MYOZ3: variants seen among roughly 807,000 people sequenced by gnomAD.
The protein encoded by MYOZ3 is myozenin-3.
MYOZ3 carries 19 observed loss-of-function variants against 26.5 expected under a neutral mutation model. That is an observed-to-expected ratio of 0.72 (90% confidence interval 0.50 to 1.05). The LOEUF (loss-of-function observed/expected upper bound fraction) is 1.05. Ranked by LOEUF, MYOZ3 falls within the 50% of genes least tolerant of loss-of-function variation. The probability of loss-of-function intolerance (pLI) is 0.00; values close to 1 mark genes in which losing one functional copy is unlikely to be tolerated. For missense variants in MYOZ3, 322 were observed against 337.1 expected, an observed-to-expected ratio of 0.96 and a Z score of 0.35; for synonymous variants, 135 against 138.8, an observed-to-expected ratio of 0.97 and a Z score of 0.19.
chr5:150,677,885 A>C lies in MYOZ3; in HGVS notation c.*1010A>C, dbSNP rs1317300063. ...AAGCTTCCTGAAGGATTTGAGTGGG[A>C]CCTTGTGGGAGGCGTGAGAGTCCAT... is the stretch of plus-strand genomic sequence containing the variant. On this transcript the variant is annotated 3_prime_UTR_variant, in exon 7 of 7. Transcript: ENST00000517768. The C allele has an allele frequency of 1.3e-5, 2 of 151,238 alleles. No individual in the cohort carries two copies. Among genetic ancestry groups the C allele is most frequent in the African/African-American group, 4.9e-5 (2 of 40,784 alleles). The allele number at this position is 151,238 out of a possible 1,614,324, so 9.4% of individuals were successfully genotyped here. A position where few individuals can be genotyped will look rare whatever the true frequency, so the allele number is the denominator to read the frequency against.
At position 150,670,629 on chromosome 5, in the gene MYOZ3, C is replaced by A. The variant is rs368345292; in HGVS notation, c.207C>A (p.Ser69Arg). ...VQKFTFELAA[S>R]QRAMLAGSAR... ...AGTTCACTTTCGAGTTAGCAGCCAG[C>A]CAGCGGGCGGTGAGTAAGCCACCAT... The change falls in exon 3 of 7, where the codon AGC becomes AGA. Residue 69 changes from serine to arginine, a missense_variant. Ser to Arg is a moderately radical substitution (Grantham distance 110, BLOSUM62 -1). Coordinates refer to ENST00000517768, the MANE Select transcript of MYOZ3 (RefSeq NM_001122853.3). The A allele has an allele frequency of 2.5e-6, 4 of 1,607,828 alleles. No individual in the cohort carries two copies. In the African/African-American group the frequency reaches 5.4e-5, roughly 22 times the overall value.
chr5:150,662,302 TA>T (rs777912688), intron 1 of MYOZ3, among the ~76,000 whole-genome samples: 3 of 151,986 alleles, frequency 2.0e-5, no homozygotes, highest in Non-Finnish European at 2.9e-5. Flanking sequence ...GAGATACAAA[TA>T]GGGGGATGGA....
chr5:150,676,779 G>T lies in MYOZ3; in HGVS notation c.660G>T (p.Glu220Asp). 1 of 1,614,058 alleles carries T rather than the reference G, an allele frequency of 6.2e-7. No homozygotes were observed. Among genetic ancestry groups the T allele is most frequent in the South Asian group, 1.1e-5 (1 of 91,082 alleles). Reference protein sequence around the residue: ...FPRPGTPFIPEPLSGLELLRL... With the variant: ...FPRPGTPFIPDPLSGLELLRL... Reference sequence around the variant, plus strand: ...GGCCAGGCACCCCCTTCATCCCGGAGCCCCTCAGTGGCTTGGAACTCCTCC... The same window carrying T: ...GGCCAGGCACCCCCTTCATCCCGGATCCCCTCAGTGGCTTGGAACTCCTCC... The change falls in exon 7 of 7, where the codon GAG (glutamate) becomes GAT (aspartate). Residue 220 changes from glutamate (E) to aspartate (D), a missense_variant. Transcript: ENST00000517768.
Position 150,672,514 on chromosome 5 carries a change from CGGGCAGCCCGGG to C in MYOZ3, c.587+15_587+26del. ...CGAAATTTCAACAAGTAAGGCGGGG[CGGGCAGCCCGGG>C]GGACAGACCGGGAGGGGCGGGAAGC... is the stretch of plus-strand genomic sequence containing the variant. On this transcript the variant is annotated intron_variant, in intron 6 of 6. Transcript: ENST00000517768. The C allele has an allele frequency of 2.0e-6, 3 of 1,533,508 alleles. No homozygotes were observed. Among genetic ancestry groups the C allele is most frequent in the Admixed American group, 1.9e-5 (1 of 53,440 alleles). 95.0% of individuals were successfully genotyped at this position (1,533,508 alleles called of 1,614,324 possible). A position where few individuals can be genotyped will look rare whatever the true frequency, so the allele number is the denominator to read the frequency against.
At chr5:150,673,438 T>G (rs1758956487) in intron 6 of MYOZ3, among the ~76,000 whole-genome samples, 1 of 152,136 alleles carries the variant, frequency 6.6e-6, no homozygotes, top group Non-Finnish European at 1.5e-5. Flanking sequence ...CCTCCTGGGT[T>G]CAAGCGATTC....
intron 2 of MYOZ3, among the ~76,000 whole-genome samples, chr5:150,666,435 G>GA (rs1417956713): frequency 6.6e-6 from 1 of 151,888 alleles, no homozygotes; most frequent in Admixed American, 6.6e-5. Context: ...CCAACATGGT[G>GA]AAACCCCATC....
chr5:150,663,122 T>G, intron 2 of MYOZ3, 120 bp downstream of exon 2: 1 of 762,090 alleles, frequency 1.3e-6, no homozygotes, highest in Non-Finnish European at 2.1e-6. Flanking sequence ...CCAGGCCAGC[T>G]CTGAGGGAGT....
chr5:150,672,567 C>A (rs1758938500), intron 6 of MYOZ3, 65 bp downstream of exon 6: 1 of 1,497,406 alleles, frequency 6.7e-7, no homozygotes, highest in Non-Finnish European at 8.9e-7. Context: ...ACAGCCACAG[C>A]GGGAGCCTGC....
rs1759020726 is a variant in MYOZ3 at position 150,676,938 on chromosome 5, G to A, written c.*63G>A. The A allele has an allele frequency of 6.6e-7, 1 of 1,522,518 alleles. No homozygotes were observed. The allele number at this position is 1,522,518 out of a possible 1,614,324, so 94.3% of individuals were successfully genotyped here. ...CTGGTAACATCCGGAGCCAAGACTT[G>A]TGGACAGCACTTCACAGTTGAAGAA... On this transcript the variant is annotated 3_prime_UTR_variant, in exon 7 of 7. Transcript: ENST00000517768.
intron 2 of MYOZ3, among the ~76,000 whole-genome samples, chr5:150,668,080 A>G (rs1758836003): frequency 6.6e-6 from 1 of 152,114 alleles, no homozygotes; most frequent in African/African-American, 2.4e-5. Flanking sequence ...CTTTAATCTA[A>G]AGCAACCCCT....
intron 6 of MYOZ3, 110 bp downstream of exon 6, chr5:150,672,612 C>T (rs1479643366): frequency 1.5e-6 from 2 of 1,303,124 alleles, no homozygotes; most frequent in South Asian, 1.5e-5. Context: ...CAGGCTCTGT[C>T]CCCAGCGCTT....
rs61227926 is a variant in MYOZ3, at chr5:150,666,033, T to TAAA, written c.61+3048_61+3050dup. 7.2e-3 allele frequency among the ~76,000 whole-genome samples: 835 copies of TAAA among 115,786 alleles called. 13 individuals carry two copies. Among genetic ancestry groups the TAAA allele is most frequent in the African/African-American group, 0.026 (799 of 31,170 alleles). The allele number at this position is 115,786 out of a possible 152,430, so 76.0% of individuals were successfully genotyped here. A position where few individuals can be genotyped will look rare whatever the true frequency, so the allele number is the denominator to read the frequency against. On this transcript the variant is annotated intron_variant, in intron 2 of 6. Transcript: ENST00000517768. ...CTGGGCAACAAGAGTGAAACTCGTC[T>TAAA]AAAAAAAAAAAAAAAAAAAGAACAA...
chr5:150,671,516 C>CTTTTTTTT, intron 3 of MYOZ3, 81 bp from the exon 4 acceptor site: 2 of 1,422,100 alleles, frequency 1.4e-6, no homozygotes, highest in South Asian at 1.2e-5. Flanking sequence ...TCCCCCCGAC[C>CTTTTTTTT]TTTTTTTTTG....
intron 1 of MYOZ3, 133 bp from the exon 2 acceptor site, chr5:150,662,808 G>T (rs1758754502): frequency 4.0e-6 from 3 of 749,108 alleles, no homozygotes; most frequent in African/African-American, 3.6e-5. Context: ...TTCCAGCTCA[G>T]ACATCCCTTG....
At position 150,671,495 on chromosome 5, in the gene MYOZ3, G is replaced by A. The variant is rs1045568632; in HGVS notation, c.217-102G>A. 2.4e-6 allele frequency: 3 copies of A among 1,225,182 alleles called. No homozygotes were observed. The African/African-American group carries it at 4.5e-5, about 18-fold the overall frequency. 75.9% of individuals were successfully genotyped at this position (1,225,182 alleles called of 1,614,324 possible). ...CCTTGTTCCCCGATGATGGGCGTTA[G>A]GATTCTTGCCTCCCCCCGACCTTTT... On this transcript the variant is annotated intron_variant, in intron 3 of 6. Transcript: ENST00000517768.
chr5:150,672,014 C>T, intron 5 of MYOZ3, 106 bp downstream of exon 5: 1 of 1,408,904 alleles, frequency 7.1e-7, no homozygotes, highest in Non-Finnish European at 9.5e-7. Flanking sequence ...CGCCCCCTTC[C>T]CCAACACACA....
At chr5:150,674,687 A>G (rs1477051883) in intron 6 of MYOZ3, among the ~76,000 whole-genome samples, 1 of 152,156 alleles carries the variant, frequency 6.6e-6, no homozygotes, top group Non-Finnish European at 1.5e-5. Flanking sequence ...AAAACAACAC[A>G]AGCAATGATT....
At position 150,662,978 on chromosome 5, in the gene MYOZ3, G is replaced by T; in HGVS notation, c.37G>T (p.Ala13Ser). Residue 13 changes from alanine to serine, a missense_variant, in exon 2 of 7, where the codon GCC becomes TCC. Coordinates refer to ENST00000517768, the MANE Select transcript of MYOZ3 (RefSeq NM_001122853.3). ...PKEQKGPVMA[A>S]MGDLTEPVPT... is the part of the protein sequence containing the mutation. ...GGAGCAGAAGGGGCCAGTGATGGCTGCCATGGGGGACCTCACTGAACCAGG... is the reference window on the plus strand; with the variant it reads ...GGAGCAGAAGGGGCCAGTGATGGCTTCCATGGGGGACCTCACTGAACCAGG... 1 of 1,612,122 alleles carries T rather than the reference G, an allele frequency of 6.2e-7. No homozygotes were observed. The highest frequency in any genetic ancestry group is 8.5e-7 in the Non-Finnish European group (1 of 1,179,146).
intron 6 of MYOZ3, among the ~76,000 whole-genome samples, chr5:150,673,445 A>T (rs1254232742): frequency 2.6e-5 from 4 of 152,088 alleles, no homozygotes; most frequent in African/African-American, 9.7e-5. Context: ...GGTTCAAGCG[A>T]TTCTCCTGCC....
Sources: gnomAD v4.1 joint callset for allele counts (sites outside exome capture counted in the v4.1 genomes callset) on GRCh38, gnomAD v4.1.1 for gene constraint, MANE v1.5 for transcripts, NCBI Gene and HGNC (gene_info 2026-07-23, HGNC 2026-07-21) for gene names.